The following CDC42BPA variants were observed in gnomAD, a reference collection of about 807,000 sequenced individuals.
The protein encoded by CDC42BPA is serine/threonine-protein kinase MRCK alpha.
In CDC42BPA, 80 loss-of-function variants were observed where a neutral mutation model predicts 223.5. The ratio of observed to expected loss-of-function variants is 0.36; its 90% CI spans 0.30 to 0.43. CDC42BPA has a LOEUF of 0.43. CDC42BPA is among the 20% of genes least tolerant of loss of function. The probability of loss-of-function intolerance (pLI) is 1.00; values close to 1 mark genes in which losing one functional copy is unlikely to be tolerated. For missense variants in CDC42BPA, 1,743 were observed against 2,099.9 expected (o/e 0.83, Z 3.32); for synonymous variants, 694 against 718.6 (o/e 0.97, Z 0.55).
chr1:227,030,586 C>G, intron 28 of CDC42BPA, 116 bp from the exon 29 acceptor site: 1 of 606,746 alleles, frequency 1.6e-6, no homozygotes, highest in Non-Finnish European at 2.9e-6. Flanking sequence ...ATTACAATAA[C>G]AGTTTACACT....
intron 3 of CDC42BPA, among the ~76,000 whole-genome samples, chr1:227,210,744 G>A (rs1209020076): frequency 6.6e-6 from 1 of 152,124 alleles, no homozygotes; most frequent in Non-Finnish European, 1.5e-5. Context: ...CTGCTAAACA[G>A]AACATAATTA....
chr1:227,122,943 C>T (rs7531576), intron 11 of CDC42BPA, among the ~76,000 whole-genome samples: 43,154 of 152,024 alleles, frequency 0.28, 6,336 homozygotes, highest in African/African-American at 0.35. Flanking sequence ...ATTATAAATA[C>T]CCAACACAAT....
At chr1:227,137,973 T>C (rs1658931540) in intron 10 of CDC42BPA, among the ~76,000 whole-genome samples, 1 of 152,132 alleles carries the variant, frequency 6.6e-6, no homozygotes, top group Admixed American at 6.5e-5. Context: ...TTATTAGGCT[T>C]ATACTTAAAA....
chr1:227,253,263 A>AGAGAGAGC (rs1442567059), intron 2 of CDC42BPA, among the ~76,000 whole-genome samples: 1 of 144,122 alleles, frequency 6.9e-6, no homozygotes, highest in Non-Finnish European at 1.5e-5. Context: ...AGAGAGCGAG[A>AGAGAGAGC]GAGAGCGCGC....
intron 32 of CDC42BPA, among the ~76,000 whole-genome samples, chr1:227,017,920 G>C (rs550713828): frequency 2.0e-5 from 3 of 152,076 alleles, no homozygotes; most frequent in African/African-American, 7.2e-5. Context: ...GAAGCCAAAC[G>C]AGCCTAGAAG....
At chr1:227,259,915 C>T (rs1381158444) in intron 1 of CDC42BPA, among the ~76,000 whole-genome samples, 4 of 147,620 alleles carry the variant, frequency 2.7e-5, no homozygotes, top group Non-Finnish European at 5.9e-5. Context: ...AAAACAAAAA[C>T]AAAAAAAATT....
chr1:227,220,311 TAC>T (rs58845901), intron 2 of CDC42BPA, among the ~76,000 whole-genome samples: 5,994 of 49,002 alleles, frequency 0.12, 232 homozygotes, highest in African/African-American at 0.2. Flanking sequence ...TATATATATA[TAC>T]ACACACACAC....
intron 6 of CDC42BPA, among the ~76,000 whole-genome samples, chr1:227,147,822 T>C (rs1269384531): frequency 1.3e-5 from 2 of 151,918 alleles, no homozygotes; most frequent in Non-Finnish European, 2.9e-5. Flanking sequence ...TAAACCATCA[T>C]ACCAATTAAG....
At chr1:227,233,052 T>A (rs900425504) in intron 2 of CDC42BPA, among the ~76,000 whole-genome samples, 1 of 152,208 alleles carries the variant, frequency 6.6e-6, no homozygotes. Flanking sequence ...CGTGGGACCC[T>A]CCGAGCCAGG....
At chr1:227,097,019 G>A (rs1474527207) in intron 15 of CDC42BPA, among the ~76,000 whole-genome samples, 1 of 151,824 alleles carries the variant, frequency 6.6e-6, no homozygotes, top group Non-Finnish European at 1.5e-5. Context: ...TTTCATGATA[G>A]GTTAAAAAAA....
At chr1:227,058,351 C>G (rs1201005423) in intron 21 of CDC42BPA, among the ~76,000 whole-genome samples, 1 of 152,166 alleles carries the variant, frequency 6.6e-6, no homozygotes, top group East Asian at 1.9e-4. Context: ...CAGGAAGCAG[C>G]AGGCCACCCC....
chr1:227,010,727 AGAG>A (rs1327324990), intron 34 of CDC42BPA: 11 of 207,720 alleles, frequency 5.3e-5, no homozygotes, highest in Non-Finnish European at 1.0e-4. Context: ...ACATGGAGGA[AGAG>A]GAAGAGGAGA....
chr1:227,051,875 A>G lies in CDC42BPA; in HGVS notation c.3009+6T>C. The G allele has an allele frequency of 1.5e-6, 2 of 1,359,258 alleles. No individual in the cohort carries two copies. Among genetic ancestry groups the G allele is most frequent in the Non-Finnish European group, 9.8e-7 (1 of 1,015,262 alleles). The allele number at this position is 1,359,258 out of a possible 1,614,324, so 84.2% of individuals were successfully genotyped here. ...GTTGGGGAGCAGGGATGCTCCAATAAGGCACCTTAACTGGCTCAGCTTCAC... is the reference window on the plus strand; with the variant it reads ...GTTGGGGAGCAGGGATGCTCCAATAGGGCACCTTAACTGGCTCAGCTTCAC... On this transcript the variant is annotated splice_donor_region_variant and intron_variant, in intron 22 of 36. Coordinates refer to ENST00000366766, the MANE Select transcript of CDC42BPA (RefSeq NM_001394014.1).
rs1177118729 is a variant in CDC42BPA at position 227,317,994 on chromosome 1, G to A, written c.-812C>T. On this transcript the variant is annotated 5_prime_UTR_variant, in exon 1 of 37. Transcript: ENST00000366766. ...TGGAAGGCGGGCTGCGGGCGGCACT[G>A]GCACCGGGCTCCGGAGAAGCGGCTA... 4.4e-5 allele frequency: 17 copies of A among 390,116 alleles called. No homozygotes were observed. The highest frequency in any genetic ancestry group is 9.0e-6 in the Non-Finnish European group (2 of 221,078). 24.2% of individuals were successfully genotyped at this position (390,116 alleles called of 1,614,324 possible).
At chr1:227,229,628 A>T (rs1435932673) in intron 2 of CDC42BPA, among the ~76,000 whole-genome samples, 1 of 152,174 alleles carries the variant, frequency 6.6e-6, no homozygotes, top group African/African-American at 2.4e-5. Context: ...TTGTCTTCAA[A>T]TCCATGAATA....
rs922570647 is a variant in CDC42BPA at position 226,992,729 on chromosome 1, A to G, written c.*1539T>C. The G allele has an allele frequency of 1.3e-5, 2 of 152,238 alleles. No individual in the cohort carries two copies. Among genetic ancestry groups the G allele is most frequent in the African/African-American group, 4.8e-5 (2 of 41,470 alleles). The allele number at this position is 152,238 out of a possible 1,614,324, so 9.4% of individuals were successfully genotyped here. Reference sequence around the variant, plus strand: ...AAGAGAGGCAAAATCTCTTTCCTTCATGAGATACTTTTATTTTTATCTCTT... The same window carrying G: ...AAGAGAGGCAAAATCTCTTTCCTTCGTGAGATACTTTTATTTTTATCTCTT... On this transcript the variant is annotated 3_prime_UTR_variant, in exon 37 of 37. Coordinates refer to ENST00000366766, the MANE Select transcript of CDC42BPA (RefSeq NM_001394014.1).
At chr1:227,133,214 G>C (rs1657680964) in intron 10 of CDC42BPA, among the ~76,000 whole-genome samples, 1 of 150,484 alleles carries the variant, frequency 6.6e-6, no homozygotes, top group Non-Finnish European at 1.5e-5. Flanking sequence ...GAGGGAGGTG[G>C]GGGGGTCAGC....
At chr1:227,301,552 G>C in intron 1 of CDC42BPA, among the ~76,000 whole-genome samples, 1 of 152,054 alleles carries the variant, frequency 6.6e-6, no homozygotes, top group Admixed American at 6.5e-5. Context: ...TACAGACAGG[G>C]TTTCACTATG....
chr1:227,089,108 GTTTTT>G (rs2149220427), intron 16 of CDC42BPA, among the ~76,000 whole-genome samples: 1 of 152,170 alleles, frequency 6.6e-6, no homozygotes, highest in South Asian at 2.1e-4. Context: ...TTATTTAAAC[GTTTTT>G]ATTTTTGGAA....
Sources: gnomAD v4.1 joint callset for allele counts (sites outside exome capture counted in the v4.1 genomes callset) on GRCh38, gnomAD v4.1.1 for gene constraint, MANE v1.5 for transcripts, NCBI Gene and HGNC (gene_info 2026-07-23, HGNC 2026-07-21) for gene names.